Variants in ATRNL1 observed in about 807,000 individuals in gnomAD.
The protein encoded by ATRNL1 is attractin like 1, also known as attractin-like protein 1.
ATRNL1 carries 95 observed loss-of-function variants against 182.7 expected under a neutral mutation model. That is an observed-to-expected ratio of 0.52 (90% confidence interval 0.44 to 0.62). The LOEUF (loss-of-function observed/expected upper bound fraction) is 0.62, where lower values mean the gene tolerates loss of function less well. Among genes scored for constraint, ATRNL1 ranks in the 20% least tolerant of loss-of-function variants. The probability of loss-of-function intolerance (pLI) is 0.00; values close to 1 mark genes in which losing one functional copy is unlikely to be tolerated. For missense variants in ATRNL1, 1,471 were observed against 1,679.5 expected (o/e 0.88, Z 2.17); for synonymous variants, 576 against 568.3 (o/e 1.01, Z -0.19).
chr10:115,385,616 T>C (rs1858298191), intron 19 of ATRNL1, among the ~76,000 whole-genome samples: 1 of 152,104 alleles, frequency 6.6e-6, no homozygotes, highest in African/African-American at 2.4e-5. Context: ...TTGTATCACG[T>C]ACGTGAAATC....
intron 19 of ATRNL1, among the ~76,000 whole-genome samples, chr10:115,343,788 A>G (rs1295567364): frequency 2.0e-5 from 3 of 152,148 alleles, no homozygotes; most frequent in East Asian, 3.9e-4. Flanking sequence ...GACTTTCTAG[A>G]TGTTTGAAAG....
chr10:115,779,030 T>C (rs1239242466), intron 27 of ATRNL1, among the ~76,000 whole-genome samples: 4 of 152,188 alleles, frequency 2.6e-5, no homozygotes, highest in Non-Finnish European at 5.9e-5. Flanking sequence ...TTTTTAGTTA[T>C]ATTATTGTTC....
chr10:115,105,531 GTCAGAGA>G (rs1449096288), intron 1 of ATRNL1, among the ~76,000 whole-genome samples: 1 of 152,220 alleles, frequency 6.6e-6, no homozygotes, highest in Non-Finnish European at 1.5e-5. Flanking sequence ...CCCAGGCCAC[GTCAGAGA>G]TCTTCGGGGC....
intron 9 of ATRNL1, among the ~76,000 whole-genome samples, chr10:115,226,557 G>C (rs1465167512): frequency 3.1e-5 from 4 of 127,776 alleles, no homozygotes; most frequent in African/African-American, 1.3e-4. Context: ...ATTCTTCCCA[G>C]AATTAGAAAA....
chr10:115,159,175 G>A (rs1846661025), intron 5 of ATRNL1, among the ~76,000 whole-genome samples: 1 of 151,404 alleles, frequency 6.6e-6, no homozygotes, highest in African/African-American at 2.4e-5. Flanking sequence ...ATTTATAAAT[G>A]TATGTTTGTT....
chr10:115,479,098 C>G (rs1183847161), intron 24 of ATRNL1, among the ~76,000 whole-genome samples: 2 of 151,604 alleles, frequency 1.3e-5, no homozygotes, highest in African/African-American at 4.8e-5. Flanking sequence ...TGGCAAAATT[C>G]ACTGGTTCTA....
chr10:115,486,716 C>G (rs1849044708), intron 24 of ATRNL1, among the ~76,000 whole-genome samples: 1 of 152,142 alleles, frequency 6.6e-6, no homozygotes, highest in African/African-American at 2.4e-5. Context: ...ATAATAGTTT[C>G]TTTTGCTGTG....
chr10:115,252,657 T>C (rs1279589630), intron 10 of ATRNL1, among the ~76,000 whole-genome samples: 1 of 152,146 alleles, frequency 6.6e-6, no homozygotes, highest in Non-Finnish European at 1.5e-5. Flanking sequence ...TGTGTCAGAG[T>C]CCTTTTTCTT....
In ATRNL1 at chr10:115,437,976, A is replaced by G. The variant is rs555806325; in HGVS notation, c.3322+11674A>G. Among the ~76,000 whole-genome samples the G allele has an allele frequency of 9.9e-5, 15 of 152,148 alleles. No homozygotes were observed. In the South Asian group the frequency reaches 3.1e-3, roughly 32 times the overall value. Reference sequence around the variant, plus strand: ...TTGTATAAAATAACCTAGTTGTTATATGGGAGATTACAACCAAGATCTCCT... The same window carrying G: ...TTGTATAAAATAACCTAGTTGTTATGTGGGAGATTACAACCAAGATCTCCT... On this transcript the variant is annotated intron_variant, in intron 21 of 28. Coordinates refer to ENST00000355044, the MANE Select transcript of ATRNL1 (RefSeq NM_207303.4).
rs573039256 is a variant in ATRNL1 at position 115,939,999 on chromosome 10, C to A, written c.4019-4659C>A. On this transcript the variant is annotated intron_variant, in intron 28 of 28. Transcript: ENST00000355044. ...ACGACCTTTATGTCTTTGTTGCCAG[C>A]GTGAAAATAAACCAAGACCAAGCAA... Among the ~76,000 whole-genome samples, 33 of 152,226 alleles carry A rather than the reference C, an allele frequency of 2.2e-4. 2 individuals are homozygous for A. The South Asian group carries it at 6.8e-3, about 32-fold the overall frequency.
At chr10:115,330,128 T>G (rs1370957880) in intron 18 of ATRNL1, among the ~76,000 whole-genome samples, 1 of 152,174 alleles carries the variant, frequency 6.6e-6, no homozygotes, top group Admixed American at 6.5e-5. Flanking sequence ...TAAGTTAATT[T>G]TGGTCGGAAG....
chr10:115,212,465 A>G (rs1554895239), intron 8 of ATRNL1, among the ~76,000 whole-genome samples: 1 of 152,012 alleles, frequency 6.6e-6, no homozygotes, highest in Non-Finnish European at 1.5e-5. Context: ...AAAGATGGAA[A>G]TACCATTCAA....
At chr10:115,136,755 C>CT (rs1280072774) in intron 5 of ATRNL1, among the ~76,000 whole-genome samples, 1 of 152,130 alleles carries the variant, frequency 6.6e-6, no homozygotes, top group Non-Finnish European at 1.5e-5. Flanking sequence ...TCCTCCATGT[C>CT]TTTTTATGGC....
chr10:115,515,360 A>G (rs1554983638), intron 24 of ATRNL1, among the ~76,000 whole-genome samples: 1 of 123,982 alleles, frequency 8.1e-6, no homozygotes, highest in African/African-American at 2.9e-5. Flanking sequence ...GCTGCTATAT[A>G]TTTTAATATT....
At chr10:115,116,177 A>G (rs561346236) in intron 1 of ATRNL1, among the ~76,000 whole-genome samples, 1 of 152,110 alleles carries the variant, frequency 6.6e-6, no homozygotes, top group African/African-American at 2.4e-5. Flanking sequence ...TTGTGTTCCA[A>G]TAAAAGTTCA....
chr10:115,316,206 G>C (rs1220318264), intron 18 of ATRNL1, among the ~76,000 whole-genome samples: 4 of 152,148 alleles, frequency 2.6e-5, no homozygotes, highest in African/African-American at 9.7e-5. Context: ...AGAACATGCA[G>C]TGTTTCGTTT....
At chr10:115,315,972 T>C (rs1180245457) in intron 18 of ATRNL1, among the ~76,000 whole-genome samples, 4 of 152,150 alleles carry the variant, frequency 2.6e-5, no homozygotes, top group African/African-American at 9.7e-5. Flanking sequence ...CATGATTAGC[T>C]TTCATTTCTT....
intron 9 of ATRNL1, among the ~76,000 whole-genome samples, chr10:115,237,676 T>C (rs1342530193): frequency 6.6e-6 from 1 of 152,200 alleles, no homozygotes; most frequent in African/African-American, 2.4e-5. Context: ...TGTGGCTTGT[T>C]GTTTCATTCT....
rs573641407 is a variant in ATRNL1 at position 115,123,632 on chromosome 10, G to T, written c.491+1820G>T. Reference sequence around the variant, plus strand: ...GGCTAGAACAGATTTCCTAGGTTAAGAGCACAGTCCTCTACAACAAGGGTC... The same window carrying T: ...GGCTAGAACAGATTTCCTAGGTTAATAGCACAGTCCTCTACAACAAGGGTC... On this transcript the variant is annotated intron_variant, in intron 3 of 28. Coordinates refer to ENST00000355044, the MANE Select transcript of ATRNL1 (RefSeq NM_207303.4). Among the ~76,000 whole-genome samples, 8 of 152,206 alleles carry T rather than the reference G, an allele frequency of 5.3e-5. No individual in the cohort carries two copies. In the East Asian group the frequency reaches 1.5e-3, roughly 29 times the overall value.
Sources: allele counts gnomAD v4.1 joint callset (sites outside exome capture counted in the v4.1 genomes callset), GRCh38; gene constraint gnomAD v4.1.1; transcripts MANE v1.5; gene names NCBI Gene and HGNC (gene_info 2026-07-23, HGNC 2026-07-21).